The following ESRRG variants were observed in gnomAD, a reference collection of about 807,000 sequenced individuals.
The protein encoded by ESRRG is estrogen-related receptor gamma.
ESRRG carries 13 observed loss-of-function variants against 44.0 expected under a neutral mutation model. The ratio of observed to expected loss-of-function variants is 0.30; its 90% CI spans 0.19 to 0.47. The LOEUF is 0.47. Among genes scored for constraint, ESRRG ranks in the 20% least tolerant of loss-of-function variants. The probability of loss-of-function intolerance (pLI) is 1.00; values close to 1 mark genes in which losing one functional copy is unlikely to be tolerated. For missense variants in ESRRG, 395 were observed against 580.6 expected, an observed-to-expected ratio of 0.68 and a Z score of 3.29; for synonymous variants, 215 against 214.6, an observed-to-expected ratio of 1.00 and a Z score of -0.02.
intron 5 of ESRRG, among the ~76,000 whole-genome samples, chr1:216,523,298 T>C (rs1218572517): frequency 1.3e-5 from 2 of 152,168 alleles, no homozygotes; most frequent in African/African-American, 4.8e-5. Context: ...TTATCTGCAA[T>C]ACAGTGTGCT....
chr1:216,776,424 C>A (rs187271520), intron 2 of ESRRG, among the ~76,000 whole-genome samples: 4 of 152,030 alleles, frequency 2.6e-5, no homozygotes, highest in East Asian at 1.9e-4. Flanking sequence ...GGATCCCAAC[C>A]CTAGCCCTGT....
intron 1 of ESRRG, among the ~76,000 whole-genome samples, chr1:217,114,813 C>T (rs2092702782): frequency 2.0e-5 from 3 of 151,974 alleles, no homozygotes; most frequent in South Asian, 4.2e-4. Context: ...CCCGCCACCA[C>T]ACGCAGCTAA....
intron 1 of ESRRG, among the ~76,000 whole-genome samples, chr1:216,720,060 T>C (rs1236253492): frequency 6.6e-6 from 1 of 152,120 alleles, no homozygotes; most frequent in Non-Finnish European, 1.5e-5. Context: ...ATTCAATATA[T>C]ATTTCATTAA....
chr1:217,045,769 G>A (rs35185630), intron 1 of ESRRG, among the ~76,000 whole-genome samples: 23,448 of 151,434 alleles, frequency 0.15, 2,363 homozygotes, highest in East Asian at 0.2. Context: ...TCACCCAACC[G>A]GTCAGAGATG....
intron 1 of ESRRG, among the ~76,000 whole-genome samples, chr1:217,097,584 T>C (rs1488035321): frequency 6.6e-6 from 1 of 152,204 alleles, no homozygotes; most frequent in Non-Finnish European, 1.5e-5. Context: ...GGAATTTTCC[T>C]AAGCTCTCAT....
chr1:216,896,178 G>A (rs769413415), intron 2 of ESRRG, among the ~76,000 whole-genome samples: 7 of 152,092 alleles, frequency 4.6e-5, no homozygotes, highest in Non-Finnish European at 1.5e-5. Context: ...TTAGCAGATC[G>A]ATGCTAAGGG....
At position 216,564,280 on chromosome 1, in the gene ESRRG, T is replaced by C. The variant is rs1475675375; in HGVS notation, c.801A>G (p.Thr267=). 3 of 1,610,788 alleles carry C rather than the reference T, an allele frequency of 1.9e-6. No homozygotes were observed. The East Asian group carries it at 6.7e-5, about 36-fold the overall frequency. The part of the protein sequence containing the change: ...VPDSDIKALT[T]LCDLADRELV... Reference sequence around the variant, plus strand: ...ACTCTCGGTCGGCCAAGTCACACAGTGTAGTGAGGGCTTTGATGTCACTGT... The same window carrying C: ...ACTCTCGGTCGGCCAAGTCACACAGCGTAGTGAGGGCTTTGATGTCACTGT... The change falls in exon 5 of 7, where the codon ACA becomes ACG. Residue 267 remains threonine (T), a synonymous_variant. Coordinates refer to ENST00000408911, the MANE Select transcript of ESRRG (RefSeq NM_001438.4).
At chr1:216,841,452 A>G (rs2148874192) in intron 2 of ESRRG, among the ~76,000 whole-genome samples, 1 of 152,324 alleles carries the variant, frequency 6.6e-6, no homozygotes, top group East Asian at 1.9e-4. Context: ...GAATTCAATC[A>G]GGAAGCAAAC....
intron 2 of ESRRG, among the ~76,000 whole-genome samples, chr1:216,663,508 G>C (rs1293236382): frequency 3.3e-5 from 5 of 152,092 alleles, no homozygotes; most frequent in African/African-American, 1.2e-4. Flanking sequence ...ATTCTTTCTA[G>C]TATTATCAGA....
intron 3 of ESRRG, among the ~76,000 whole-genome samples, chr1:216,628,986 T>G (rs538107749): frequency 6.6e-6 from 1 of 152,234 alleles, no homozygotes; most frequent in South Asian, 2.1e-4. Flanking sequence ...TTGGAATATC[T>G]GCTCTCTTTC....
intron 2 of ESRRG, among the ~76,000 whole-genome samples, chr1:216,738,119 T>G (rs2090206810): frequency 6.6e-6 from 1 of 151,768 alleles, no homozygotes; most frequent in African/African-American, 2.4e-5. Flanking sequence ...GCTGCCTGGG[T>G]CTCACCCAGT....
At chr1:216,718,469 T>C (rs2085397426) in intron 1 of ESRRG, among the ~76,000 whole-genome samples, 2 of 151,824 alleles carry the variant, frequency 1.3e-5, no homozygotes, top group Non-Finnish European at 2.9e-5. Flanking sequence ...ATCAAAAAAA[T>C]CAATGACAAA....
intron 2 of ESRRG, among the ~76,000 whole-genome samples, chr1:216,874,025 A>C: frequency 1.8e-5 from 1 of 54,606 alleles, no homozygotes. Flanking sequence ...GGAGGGAGGG[A>C]GTGGGGAGGG....
At chr1:216,657,394 C>T (rs1256023733) in intron 2 of ESRRG, among the ~76,000 whole-genome samples, 1 of 152,160 alleles carries the variant, frequency 6.6e-6, no homozygotes, top group East Asian at 1.9e-4. Flanking sequence ...CTTTTTGGTG[C>T]TTCCTTTAGA....
At chr1:216,924,383 C>A (rs2062234995) in intron 2 of ESRRG, among the ~76,000 whole-genome samples, 2 of 152,122 alleles carry the variant, frequency 1.3e-5, no homozygotes, top group Admixed American at 6.6e-5. Context: ...TTCTTAAATG[C>A]ACATGTGACA....
At chr1:216,547,265 A>ATGATGATGG (rs1002836363) in intron 5 of ESRRG, among the ~76,000 whole-genome samples, 1 of 151,814 alleles carries the variant, frequency 6.6e-6, no homozygotes, top group Non-Finnish European at 1.5e-5. Context: ...GATGATGATG[A>ATGATGATGG]TGATGATGAT....
intron 2 of ESRRG, among the ~76,000 whole-genome samples, chr1:216,754,079 CA>C (rs1294646301): frequency 6.6e-6 from 1 of 151,924 alleles, no homozygotes; most frequent in Non-Finnish European, 1.5e-5. Flanking sequence ...TTTTTCTTCC[CA>C]AAACATAAGA....
rs1429593524 is a variant in ESRRG at position 217,017,492 on chromosome 1, A to AT, written c.-106+72014_-106+72015insA. ...TCTACATAACTCAAAAAAAAAAAAA[A>AT]AAAAAAGGAGAAAACCACTCCACTG... On this transcript the variant is annotated intron_variant, in intron 1 of 7. Coordinates refer to the ESRRG transcript ENST00000359162. Among the ~76,000 whole-genome samples the AT allele has an allele frequency of 5.3e-4, 74 of 140,064 alleles. 1 individual carries two copies. Among genetic ancestry groups the AT allele is most frequent in the Middle Eastern group, 3.6e-3 (1 of 280 alleles). The allele number at this position is 140,064 out of a possible 152,430, so 91.9% of individuals were successfully genotyped here. A position where few individuals can be genotyped will look rare whatever the true frequency, so the allele number is the denominator to read the frequency against.
chr1:217,044,950 C>T (rs374585920), intron 1 of ESRRG, among the ~76,000 whole-genome samples: 8 of 152,246 alleles, frequency 5.3e-5, no homozygotes, highest in Non-Finnish European at 8.8e-5. Flanking sequence ...AAACTAATCA[C>T]GGCAGTTTTC....
Sources: allele counts gnomAD v4.1 joint callset (sites outside exome capture counted in the v4.1 genomes callset), GRCh38; gene constraint gnomAD v4.1.1; transcripts MANE v1.5; gene names NCBI Gene and HGNC (gene_info 2026-07-23, HGNC 2026-07-21).